The following NKAIN2 variants were observed in gnomAD, a reference collection of about 807,000 sequenced individuals.
The protein encoded by NKAIN2 is sodium/potassium transporting ATPase interacting 2.
Under a neutral mutation model 32.6 loss-of-function variants are expected in NKAIN2, and 14 were observed. That is an observed-to-expected ratio of 0.43 (90% CI 0.28 to 0.67). The LOEUF is 0.67. Among genes scored for constraint, NKAIN2 ranks in the 30% least tolerant of loss-of-function variants. The probability of loss-of-function intolerance (pLI) is 0.17; values close to 1 mark genes in which losing one functional copy is unlikely to be tolerated. For synonymous variants in NKAIN2, 80 were observed against 87.2 expected (o/e 0.92, Z 0.46); for missense variants, 198 against 258.3 (o/e 0.77, Z 1.60).
rs186990316 is a variant in NKAIN2, at chr6:124,131,595, C to T, written c.55-151410C>T. ...AGGGAAAAACCTGCCTCCAAACACA[C>T]ATCTCCACTGGGGAATCTGAAAATC... On this transcript the variant is annotated intron_variant, in intron 1 of 6. Coordinates refer to ENST00000368417, the MANE Select transcript of NKAIN2 (RefSeq NM_001040214.3). Among the ~76,000 whole-genome samples the T allele has an allele frequency of 1.3e-3, 197 of 152,300 alleles. 1 individual carries two copies. The highest frequency in any genetic ancestry group is 4.7e-3 in the African/African-American group (196 of 41,562).
chr6:124,766,123 T>C (rs1778504087), intron 4 of NKAIN2, among the ~76,000 whole-genome samples: 1 of 152,096 alleles, frequency 6.6e-6, no homozygotes, highest in Non-Finnish European at 1.5e-5. Context: ...ACACACAAAG[T>C]GTAATAATTG....
At chr6:124,065,549 A>G (rs558245264) in intron 1 of NKAIN2, among the ~76,000 whole-genome samples, 18 of 152,308 alleles carry the variant, frequency 1.2e-4, no homozygotes, top group African/African-American at 4.3e-4. Flanking sequence ...GTGAGAACAC[A>G]GTGTTCCTCC....
rs1229628461 is a variant in NKAIN2, at chr6:124,728,821, A to C, written c.475-62518A>C. 6.6e-5 allele frequency among the ~76,000 whole-genome samples: 10 copies of C among 151,996 alleles called. No homozygotes were observed. The East Asian group carries it at 1.9e-3, about 29-fold the overall frequency. On this transcript the variant is annotated intron_variant, in intron 4 of 6. Coordinates refer to ENST00000368417, the MANE Select transcript of NKAIN2 (RefSeq NM_001040214.3). ...TTGATAGACCGCTAGCAAGACTAAT[A>C]AAGAAAAAAAGAGAGAAGAATCTAA...
At chr6:124,508,284 A>C (rs1371315719) in intron 3 of NKAIN2, among the ~76,000 whole-genome samples, 3 of 151,858 alleles carry the variant, frequency 2.0e-5, no homozygotes, top group African/African-American at 7.3e-5. Context: ...AAAACAAAAA[A>C]CAAAAAACCC....
At chr6:124,589,768 G>A (rs903479383) in intron 3 of NKAIN2, among the ~76,000 whole-genome samples, 3 of 152,000 alleles carry the variant, frequency 2.0e-5, no homozygotes, top group Non-Finnish European at 2.9e-5. Context: ...CTATCAACTC[G>A]TCATCTAGGT....
At chr6:124,446,881 T>A (rs929332292) in intron 3 of NKAIN2, among the ~76,000 whole-genome samples, 7 of 152,186 alleles carry the variant, frequency 4.6e-5, no homozygotes, top group South Asian at 2.1e-4. Flanking sequence ...TGGAGACATT[T>A]TTATTAACAC....
intron 3 of NKAIN2, among the ~76,000 whole-genome samples, chr6:124,553,492 A>C (rs1026605159): frequency 3.9e-5 from 6 of 152,078 alleles, no homozygotes; most frequent in Non-Finnish European, 8.8e-5. Flanking sequence ...CTTTTAGTAG[A>C]GATGGGGTTT....
chr6:124,382,061 G>T (rs1241008530), intron 3 of NKAIN2, among the ~76,000 whole-genome samples: 1 of 151,980 alleles, frequency 6.6e-6, no homozygotes. Context: ...TGGTTTTTAG[G>T]AACAGTATTT....
At chr6:124,467,794 T>C (rs1776822683) in intron 3 of NKAIN2, among the ~76,000 whole-genome samples, 1 of 152,152 alleles carries the variant, frequency 6.6e-6, no homozygotes, top group South Asian at 2.1e-4. Context: ...TTATTCATTT[T>C]TAAAGAAAAT....
rs77540679 is a variant in NKAIN2, at chr6:124,582,832, A to C, written c.274-75354A>C. Among the ~76,000 whole-genome samples the C allele has an allele frequency of 9.4e-3, 1,438 of 152,286 alleles. 26 individuals are homozygous for C. Among genetic ancestry groups the C allele is most frequent in the African/African-American group, 0.033 (1,367 of 41,576 alleles). ...ATGGTTTGACATATGCAAATCAATC[A>C]TGTGGTACACCATATCAATAGAATG... On this transcript the variant is annotated intron_variant, in intron 3 of 6. Coordinates refer to ENST00000368417, the MANE Select transcript of NKAIN2 (RefSeq NM_001040214.3).
intron 3 of NKAIN2, among the ~76,000 whole-genome samples, chr6:124,361,772 A>C (rs1799299106): frequency 6.6e-6 from 1 of 152,104 alleles, no homozygotes; most frequent in Admixed American, 6.5e-5. Flanking sequence ...GGAAGGAGAT[A>C]AAAGTTGTCA....
chr6:124,636,358 C>T (rs759118432), intron 3 of NKAIN2, among the ~76,000 whole-genome samples: 3 of 151,846 alleles, frequency 2.0e-5, no homozygotes, highest in Middle Eastern at 3.4e-3. Flanking sequence ...CCATGTACCT[C>T]GAGCATCCAG....
intron 1 of NKAIN2, among the ~76,000 whole-genome samples, chr6:123,951,359 TG>T (rs1338734344): frequency 6.6e-6 from 1 of 152,028 alleles, no homozygotes; most frequent in Admixed American, 6.6e-5. Flanking sequence ...AGTGAAGTGT[TG>T]ATTTCTTCAA....
At chr6:124,128,846 A>G (rs1023472733) in intron 1 of NKAIN2, among the ~76,000 whole-genome samples, 1 of 152,196 alleles carries the variant, frequency 6.6e-6, no homozygotes, top group African/African-American at 2.4e-5. Flanking sequence ...AAGAGTGCAG[A>G]TTCACTTAAC....
chr6:123,977,400 A>G (rs963753798), intron 1 of NKAIN2, among the ~76,000 whole-genome samples: 1 of 152,122 alleles, frequency 6.6e-6, no homozygotes, highest in Non-Finnish European at 1.5e-5. Flanking sequence ...AACAGAGTGA[A>G]ACCTTGACTT....
At chr6:124,324,830 T>C (rs574536681) in intron 2 of NKAIN2, among the ~76,000 whole-genome samples, 1 of 152,218 alleles carries the variant, frequency 6.6e-6, no homozygotes, top group East Asian at 1.9e-4. Context: ...GATATAATCA[T>C]GCAATTTTTT....
At chr6:124,119,638 G>T (rs1278932837) in intron 1 of NKAIN2, among the ~76,000 whole-genome samples, 1 of 152,084 alleles carries the variant, frequency 6.6e-6, no homozygotes, top group African/African-American at 2.4e-5. Context: ...CATCTGTGAT[G>T]CAAATGAGAA....
At chr6:124,264,218 T>C (rs1794379405) in intron 1 of NKAIN2, among the ~76,000 whole-genome samples, 1 of 152,184 alleles carries the variant, frequency 6.6e-6, no homozygotes, top group South Asian at 2.1e-4. Flanking sequence ...ATTTATTTAG[T>C]AGTATTTTGT....
chr6:124,782,718 C>T (rs1336916044), intron 4 of NKAIN2, among the ~76,000 whole-genome samples: 1 of 151,982 alleles, frequency 6.6e-6, no homozygotes, highest in Non-Finnish European at 1.5e-5. Context: ...ATTTGCTCCC[C>T]AAAGAGCTAT....
Sources: gnomAD v4.1 joint callset for allele counts (sites outside exome capture counted in the v4.1 genomes callset) on GRCh38, gnomAD v4.1.1 for gene constraint, MANE v1.5 for transcripts, NCBI Gene and HGNC (gene_info 2026-07-23, HGNC 2026-07-21) for gene names.